The following RECK variants were observed in gnomAD, a reference collection of about 807,000 sequenced individuals.
The protein encoded by RECK is reversion-inducing cysteine-rich protein with Kazal motifs.
Under a neutral mutation model 115.1 loss-of-function variants are expected in RECK, and 69 were observed. The observed-to-expected ratio is 0.60, with a 90% CI of 0.49 to 0.73. RECK has a LOEUF of 0.73. RECK is among the 30% of genes least tolerant of loss of function. The pLI is 0.00. For missense variants in RECK, 1,047 were observed against 1,203.7 expected, an observed-to-expected ratio of 0.87 and a Z score of 1.93; for synonymous variants, 414 against 419.7, an observed-to-expected ratio of 0.99 and a Z score of 0.17.
intron 15 of RECK, among the ~76,000 whole-genome samples, 183 bp from the exon 16 acceptor site, chr9:36,112,122 C>CA (rs58460262): frequency 0.32 from 22,678 of 71,210 alleles, 3,899 homozygotes; most frequent in Middle Eastern, 0.39. Context: ...GACTCCATCT[C>CA]AAAAAAAAAA....
rs746476724 is a variant in RECK, at chr9:36,121,581, C to T, written c.2587C>T (p.Arg863Cys). The change falls in exon 20 of 21, where the codon CGC becomes TGC. Residue 863 changes from arginine (R) to cysteine (C), a missense_variant. Transcript: ENST00000377966. ...ITVLEILQKI[R>C]MHVSVPQCDV... is the part of the protein sequence containing the mutation. ...AGTTCTGGAAATACTTCAGAAAATC[C>T]GCATGCACGTGTCTGTCCCACAGTG... is the stretch of plus-strand genomic sequence containing the variant. 24 of 1,613,812 alleles carry T rather than the reference C, an allele frequency of 1.5e-5. No individual in the cohort carries two copies. The highest frequency in any genetic ancestry group is 4.4e-5 in the South Asian group (4 of 91,052).
At chr9:36,045,383 TA>T (rs931191359) in intron 1 of RECK, among the ~76,000 whole-genome samples, 10 of 152,202 alleles carry the variant, frequency 6.6e-5, no homozygotes, top group Non-Finnish European at 5.9e-5. Flanking sequence ...GATTTTACAT[TA>T]AAAAACAGAT....
rs535902337 is a variant in RECK at position 36,115,725 on chromosome 9, G to A, written c.2061-1260G>A. Among the ~76,000 whole-genome samples, 4 of 152,174 alleles carry A rather than the reference G, an allele frequency of 2.6e-5. No individual in the cohort carries two copies. The South Asian group carries it at 8.3e-4, about 32-fold the overall frequency. On this transcript the variant is annotated intron_variant, in intron 16 of 20. Transcript: ENST00000377966. ...TGACGGTGGTAGTGATTTTGGTGCAGGTTAGCCCTAAAAAGAGTATAAATC... is the reference window on the plus strand; with the variant it reads ...TGACGGTGGTAGTGATTTTGGTGCAAGTTAGCCCTAAAAAGAGTATAAATC...
intron 2 of RECK, among the ~76,000 whole-genome samples, chr9:36,057,824 A>T (rs539991757): frequency 5.3e-5 from 8 of 152,204 alleles, no homozygotes; most frequent in Non-Finnish European, 1.0e-4. Flanking sequence ...CTGTCTTAAA[A>T]AAATAAATAA....
At chr9:36,097,729 C>T (rs756106988) in intron 10 of RECK, among the ~76,000 whole-genome samples, 3 of 152,160 alleles carry the variant, frequency 2.0e-5, no homozygotes, top group Non-Finnish European at 4.4e-5. Flanking sequence ...ATTTCACTCC[C>T]ACATTCACTG....
At chr9:36,088,035 C>A (rs987801547) in intron 9 of RECK, 74 bp downstream of exon 9, 12 of 1,113,988 alleles carry the variant, frequency 1.1e-5, no homozygotes, top group Non-Finnish European at 1.6e-5. Context: ...GCCTAGCAAA[C>A]GTGTGTTATA....
chr9:36,044,998 A>G (rs1821016804), intron 1 of RECK, among the ~76,000 whole-genome samples: 1 of 152,228 alleles, frequency 6.6e-6, no homozygotes, highest in Non-Finnish European at 1.5e-5. Flanking sequence ...AATTGACTTA[A>G]TATAATTGGC....
intron 1 of RECK, among the ~76,000 whole-genome samples, chr9:36,041,558 A>ATATAGCAT (rs992409216): frequency 1.3e-5 from 2 of 152,204 alleles, no homozygotes; most frequent in African/African-American, 4.8e-5. Context: ...GGGGCTGGTT[A>ATATAGCAT]TATAGCATTT....
At chr9:36,069,434 G>A (rs1293161052) in intron 6 of RECK, among the ~76,000 whole-genome samples, 2 of 149,910 alleles carry the variant, frequency 1.3e-5, no homozygotes, top group African/African-American at 4.9e-5. Flanking sequence ...CCAGCTACTC[G>A]GGAGGCTGAA....
At chr9:36,041,551 G>A (rs1230790214) in intron 1 of RECK, among the ~76,000 whole-genome samples, 2 of 152,240 alleles carry the variant, frequency 1.3e-5, no homozygotes, top group East Asian at 3.9e-4. Context: ...GGATTAGGGG[G>A]CTGGTTATAT....
intron 16 of RECK, among the ~76,000 whole-genome samples, chr9:36,113,831 A>C (rs1034807373): frequency 6.6e-6 from 1 of 152,260 alleles, no homozygotes; most frequent in African/African-American, 2.4e-5. Context: ...GGACATAAAC[A>C]TAAAAAAAGA....
At chr9:36,120,234 C>CAA (rs5897627) in intron 18 of RECK, among the ~76,000 whole-genome samples, 2 of 139,928 alleles carry the variant, frequency 1.4e-5, no homozygotes, top group Non-Finnish European at 1.6e-5. Flanking sequence ...GACTCTGTCT[C>CAA]AAAAAAAAAA....
At chr9:36,062,573 G>A (rs921141534) in intron 4 of RECK, among the ~76,000 whole-genome samples, 3 of 152,036 alleles carry the variant, frequency 2.0e-5, no homozygotes, top group Non-Finnish European at 4.4e-5. Flanking sequence ...CACCTCCTGG[G>A]TTCAAGCAGT....
At chr9:36,074,465 G>C (rs375765016) in intron 6 of RECK, among the ~76,000 whole-genome samples, 17 of 152,286 alleles carry the variant, frequency 1.1e-4, no homozygotes, top group African/African-American at 3.8e-4. Flanking sequence ...TTACAATACA[G>C]TGAGACAAGT....
chr9:36,120,722 G>A lies in RECK; in HGVS notation c.2524G>A (p.Asp842Asn). ...LRVLFDKEKL[D>N]TIAKVTNKKP... The stretch of plus-strand genomic sequence containing the variant: ...AGTTTTATTTGACAAAGAAAAACTG[G>A]ATACTATTGCTAAGGTAAATTGCTT... The change falls in exon 19 of 21, where the codon GAT becomes AAT. Residue 842 changes from aspartate to asparagine, a missense_variant. Coordinates refer to ENST00000377966, the MANE Select transcript of RECK (RefSeq NM_021111.3). The A allele has an allele frequency of 6.2e-7, 1 of 1,607,948 alleles. No individual in the cohort carries two copies. The highest frequency in any genetic ancestry group is 8.5e-7 in the Non-Finnish European group (1 of 1,174,388).
chr9:36,074,322 A>G (rs1228312284), intron 6 of RECK, among the ~76,000 whole-genome samples: 1 of 152,196 alleles, frequency 6.6e-6, no homozygotes, highest in Admixed American at 6.5e-5. Flanking sequence ...TTCACTTAAC[A>G]TTCATTGAAC....
At chr9:36,096,627 G>A (rs1178204541) in intron 10 of RECK, among the ~76,000 whole-genome samples, 1 of 151,918 alleles carries the variant, frequency 6.6e-6, no homozygotes, top group Non-Finnish European at 1.5e-5. Flanking sequence ...TATGGAGGGG[G>A]AAAAAATGAA....
intron 6 of RECK, among the ~76,000 whole-genome samples, chr9:36,074,961 G>T (rs1327414622): frequency 6.6e-6 from 1 of 152,230 alleles, no homozygotes; most frequent in Non-Finnish European, 1.5e-5. Context: ...CAATCAGATG[G>T]CAGGTCAGCC....
intron 2 of RECK, among the ~76,000 whole-genome samples, chr9:36,055,405 A>G (rs1821485408): frequency 6.6e-6 from 1 of 152,164 alleles, no homozygotes; most frequent in South Asian, 2.1e-4. Flanking sequence ...AATTTTGCTT[A>G]TTAGCTATTC....
Sources: allele counts gnomAD v4.1 joint callset (sites outside exome capture counted in the v4.1 genomes callset), GRCh38; gene constraint gnomAD v4.1.1; transcripts MANE v1.5; gene names NCBI Gene and HGNC (gene_info 2026-07-23, HGNC 2026-07-21).